Variants in CENATAC observed in about 807,000 individuals in gnomAD.
The protein encoded by CENATAC is centrosomal AT-AC splicing factor.
Under a neutral mutation model 53.7 loss-of-function variants are expected in CENATAC, and 53 were observed. The ratio of observed to expected loss-of-function variants is 0.99; its 90% CI spans 0.79 to 1.24. The LOEUF is 1.24. Ranked by LOEUF, CENATAC falls within the 50% of genes most tolerant of loss-of-function variation. The pLI is 0.00. For synonymous variants in CENATAC, 156 were observed against 144.6 expected (o/e 1.08, Z -0.57); for missense variants, 474 against 417.8 (o/e 1.13, Z -1.17).
At chr11:119,011,327 G>A (rs782794753) in intron 5 of CENATAC, 44 bp downstream of exon 5, 7 of 1,583,404 alleles carry the variant, frequency 4.4e-6, no homozygotes, top group African/African-American at 1.3e-5. Flanking sequence ...CAAATCCACT[G>A]ATCCCTGGCA....
rs58590197 is a variant in CENATAC at position 119,007,315 on chromosome 11, G to C, written c.384-3449G>C. Among the ~76,000 whole-genome samples the C allele has an allele frequency of 8.9e-3, 1,357 of 151,904 alleles. 23 individuals are homozygous for C. The highest frequency in any genetic ancestry group is 0.031 in the African/African-American group (1,276 of 41,424). On this transcript the variant is annotated intron_variant, in intron 3 of 10. Coordinates refer to ENST00000334418, the MANE Select transcript of CENATAC (RefSeq NM_198489.3). Reference sequence around the variant, plus strand: ...TCTCCTGCCTCAGCCTGCTAAGTAGGTGGGATTACAGGCACGTGCCACCAC... The same window carrying C: ...TCTCCTGCCTCAGCCTGCTAAGTAGCTGGGATTACAGGCACGTGCCACCAC...
chr11:119,015,786 A>T lies in CENATAC; in HGVS notation c.*188A>T. On this transcript the variant is annotated 3_prime_UTR_variant, in exon 11 of 11. Transcript: ENST00000334418. ...GTAAAAAAAAATTAAAAGAATCAGA[A>T]CCATAAAGCTTTGTATCTACCTCCT... 4 of 1,353,294 alleles carry T rather than the reference A, an allele frequency of 3.0e-6. No homozygotes were observed. The highest frequency in any genetic ancestry group is 3.1e-6 in the Non-Finnish European group (3 of 953,762). The allele number at this position is 1,353,294 out of a possible 1,614,324, so 83.8% of individuals were successfully genotyped here.
chr11:119,006,305 G>A (rs567917144), intron 3 of CENATAC, among the ~76,000 whole-genome samples: 70 of 148,574 alleles, frequency 4.7e-4, no homozygotes, highest in African/African-American at 1.7e-3. Flanking sequence ...GTACGATCTC[G>A]GCTCACTGCA....
chr11:119,009,765 G>C (rs1292279573), intron 3 of CENATAC: 2 of 152,072 alleles, frequency 1.3e-5, no homozygotes, highest in African/African-American at 4.8e-5. Flanking sequence ...TGAGAACCAG[G>C]GTTTTGAGAA....
chr11:119,014,172 T>C (rs577596555), intron 8 of CENATAC: 4 of 152,384 alleles, frequency 2.6e-5, no homozygotes, highest in Non-Finnish European at 5.9e-5. Flanking sequence ...GCTTCACTTG[T>C]AGCAGCTCCA....
intron 4 of CENATAC, among the ~76,000 whole-genome samples, 171 bp downstream of exon 4, chr11:119,011,001 A>G (rs980139231): frequency 5.9e-5 from 9 of 152,180 alleles, no homozygotes; most frequent in Non-Finnish European, 1.2e-4. Flanking sequence ...GATACCTTGC[A>G]TGCCCAGTTC....
chr11:119,009,623 CAGG>C (rs1022598570), intron 3 of CENATAC: 1 of 152,168 alleles, frequency 6.6e-6, no homozygotes, highest in African/African-American at 2.4e-5. Flanking sequence ...CCTCGTGTTC[CAGG>C]AGGATTAAAC....
At chr11:119,011,316 C>G in intron 5 of CENATAC, 33 bp downstream of exon 5, 1 of 1,603,626 alleles carries the variant, frequency 6.2e-7, no homozygotes, top group Non-Finnish European at 8.5e-7. Context: ...AGACCAGTAT[C>G]CAAATCCACT....
In CENATAC at chr11:118,998,432, G is replaced by A. The variant is rs782546628; in HGVS notation, c.123G>A (p.Val41=). 1 of 1,612,236 alleles carries A rather than the reference G, an allele frequency of 6.2e-7. No homozygotes were observed. The highest frequency in any genetic ancestry group is 1.1e-5 in the South Asian group (1 of 90,980). The part of the protein sequence containing the change: ...KEALERLLPQ[V]EAARKAIRAA... ...TCTACTTGGCCTCTCTGCGGCAGGT[G>A]GAGGCGGCCCGCAAGGCCATCCGCG... is the stretch of plus-strand genomic sequence containing the variant. Residue 41 remains valine, a splice_region_variant and synonymous_variant, in exon 2 of 11, where the codon GTG becomes GTA. Transcript: ENST00000334418.
In CENATAC at chr11:118,998,215, C is replaced by T; in HGVS notation, c.18C>T (p.Arg6=). ...CCCGGGCTATGGCGCCGGCGCAGCGCTGCCCTCTGTGCCGCCAGACCTTCT... is the reference window on the plus strand; with the variant it reads ...CCCGGGCTATGGCGCCGGCGCAGCGTTGCCCTCTGTGCCGCCAGACCTTCT... MAPAQ[R]CPLCRQTFFC... is the part of the protein sequence containing the mutation. The change falls in exon 1 of 11, where the codon CGC becomes CGT. Residue 6 remains arginine (R), a synonymous_variant. Transcript: ENST00000334418. 6.3e-7 allele frequency: 1 copy of T among 1,582,368 alleles called. No homozygotes were observed. The highest frequency in any genetic ancestry group is 8.6e-7 in the Non-Finnish European group (1 of 1,165,304).
intron 4 of CENATAC, 90 bp from the exon 5 acceptor site, chr11:119,011,131 T>C: frequency 8.9e-7 from 1 of 1,125,294 alleles, no homozygotes. Context: ...GGTCCACGCC[T>C]GGGGGTGGAG....
At chr11:119,014,822 G>T in intron 8 of CENATAC, 172 bp from the exon 9 acceptor site, 1 of 487,402 alleles carries the variant, frequency 2.1e-6, no homozygotes, top group Non-Finnish European at 3.6e-6. Context: ...TGTCACATAT[G>T]GGGTATGTCG....
At chr11:119,007,195 T>C (rs1942647030) in intron 3 of CENATAC, among the ~76,000 whole-genome samples, 1 of 151,916 alleles carries the variant, frequency 6.6e-6, no homozygotes. Context: ...TTTTCGTTTC[T>C]TTTTTTTGGA....
intron 3 of CENATAC, among the ~76,000 whole-genome samples, chr11:119,005,299 T>A (rs1295275772): frequency 6.6e-6 from 1 of 151,732 alleles, no homozygotes; most frequent in African/African-American, 2.4e-5. Context: ...ACCCCGTCTC[T>A]ACTAAATATA....
intron 3 of CENATAC, among the ~76,000 whole-genome samples, chr11:119,002,654 A>G (rs116716040): frequency 0.02 from 2,977 of 147,662 alleles, 95 homozygotes; most frequent in African/African-American, 0.071. Context: ...CAAGATTTCT[A>G]TGTATACTTT....
At chr11:118,998,626 A>G (rs1029457047) in intron 2 of CENATAC, 33 bp downstream of exon 2, 4 of 1,549,680 alleles carry the variant, frequency 2.6e-6, no homozygotes, top group Non-Finnish European at 3.5e-6. Context: ...GCTCCAGCAC[A>G]GACGCATACA....
rs375748196 is a variant in CENATAC at position 119,011,210 on chromosome 11, C to G, written c.451-11C>G. 5.0e-6 allele frequency: 8 copies of G among 1,613,236 alleles called. No individual in the cohort carries two copies. The highest frequency in any genetic ancestry group is 1.7e-5 in the Admixed American group (1 of 59,972). On this transcript the variant is annotated splice_polypyrimidine_tract_variant and intron_variant, in intron 4 of 10. Transcript: ENST00000334418. ...GATCCTGTACCTGTCTAAGCAGCCTCTCTCCCACAGATGGCAGCTCAGATC... is the reference window on the plus strand; with the variant it reads ...GATCCTGTACCTGTCTAAGCAGCCTGTCTCCCACAGATGGCAGCTCAGATC...
chr11:119,015,365 CA>C lies in CENATAC; in HGVS notation c.865del (p.Ser289AlafsTer35). ...PDRVGANFDH[S>X]SRTSAGWLPS... ...ACCGAGTTGGGGCCAACTTTGATCA[CA>C]GCTCCAGGACCAGTGCAGGCTGGCT... On this transcript the variant is annotated frameshift_variant, in exon 10 of 11. Coordinates refer to ENST00000334418, the MANE Select transcript of CENATAC (RefSeq NM_198489.3). LOFTEE classifies it high-confidence loss of function. 3 of 1,614,058 alleles carry C rather than the reference CA, an allele frequency of 1.9e-6. No homozygotes were observed. The highest frequency in any genetic ancestry group is 2.5e-6 in the Non-Finnish European group (3 of 1,180,022).
At position 119,011,365 on chromosome 11, in the gene CENATAC, G is replaced by A. The variant is rs1942860398; in HGVS notation, c.513+82G>A. 21 of 1,295,204 alleles carry A rather than the reference G, an allele frequency of 1.6e-5. No individual in the cohort carries two copies. The Admixed American group carries it at 3.9e-4, about 24-fold the overall frequency. The allele number at this position is 1,295,204 out of a possible 1,614,324, so 80.2% of individuals were successfully genotyped here. A position where few individuals can be genotyped will look rare whatever the true frequency, so the allele number is the denominator to read the frequency against. On this transcript the variant is annotated intron_variant, in intron 5 of 10. Transcript: ENST00000334418. The stretch of plus-strand genomic sequence containing the variant: ...CCCAGGTCCAGCATTTCATGGACTA[G>A]TGCTTCTTCTTCTTCTTTTTTTTTT...
Sources: allele counts gnomAD v4.1 joint callset (sites outside exome capture counted in the v4.1 genomes callset), GRCh38; gene constraint gnomAD v4.1.1; transcripts MANE v1.5; gene names NCBI Gene and HGNC (gene_info 2026-07-23, HGNC 2026-07-21).